The following FOXP1 variants were observed in gnomAD, a reference collection of about 807,000 sequenced individuals.
The protein encoded by FOXP1 is forkhead box protein P1.
FOXP1 carries 15 observed loss-of-function variants against 98.2 expected under a neutral mutation model. That is an observed-to-expected ratio of 0.15 (90% CI 0.10 to 0.24). The LOEUF (loss-of-function observed/expected upper bound fraction) is 0.24. Among genes scored for constraint, FOXP1 ranks in the 10% least tolerant of loss-of-function variants. The probability of loss-of-function intolerance (pLI) is 1.00; values close to 1 mark genes in which losing one functional copy is unlikely to be tolerated. For missense variants in FOXP1, 633 were observed against 848.5 expected, an observed-to-expected ratio of 0.75 and a Z score of 3.15; for synonymous variants, 371 against 314.5, an observed-to-expected ratio of 1.18 and a Z score of -1.90.
At chr3:71,428,161 C>A (rs777059761) in intron 3 of FOXP1, among the ~76,000 whole-genome samples, 1 of 152,176 alleles carries the variant, frequency 6.6e-6, no homozygotes, top group African/African-American at 2.4e-5. Flanking sequence ...ACTGTCCCAT[C>A]TACATTCAAA....
At position 71,278,607 on chromosome 3, in the gene FOXP1, C is replaced by A. The variant is rs143713428; in HGVS notation, c.-12+21213G>T. Among the ~76,000 whole-genome samples the A allele has an allele frequency of 3.8e-3, 569 of 151,604 alleles. 6 individuals are homozygous for A. The highest frequency in any genetic ancestry group is 0.013 in the African/African-American group (544 of 41,326). The stretch of plus-strand genomic sequence containing the variant: ...ACCAGCCTGACAAACATGGTGAAAC[C>A]CCATCTCTACTACAAACACAAACAT... On this transcript the variant is annotated intron_variant, in intron 5 of 20. Coordinates refer to ENST00000649528, the MANE Select transcript of FOXP1 (RefSeq NM_001349338.3).
At chr3:70,966,194 T>C in intron 19 of FOXP1, 138 bp from the exon 20 acceptor site, 1 of 857,034 alleles carries the variant, frequency 1.2e-6, no homozygotes, top group East Asian at 2.7e-5. Context: ...TAAGAGGTGT[T>C]GAAAGATTTT....
chr3:71,539,030 T>C (rs529613796), intron 2 of FOXP1, among the ~76,000 whole-genome samples: 20 of 152,098 alleles, frequency 1.3e-4, no homozygotes, highest in Admixed American at 3.3e-4. Context: ...CATTGATCTG[T>C]ATCTCCATAC....
intron 3 of FOXP1, among the ~76,000 whole-genome samples, chr3:71,487,882 C>T (rs1049287835): frequency 6.6e-6 from 1 of 152,160 alleles, no homozygotes; most frequent in Non-Finnish European, 1.5e-5. Flanking sequence ...CATTCCTAGA[C>T]TAATTTCCTA....
intron 3 of FOXP1, among the ~76,000 whole-genome samples, chr3:71,422,787 C>T (rs1313946090): frequency 6.6e-6 from 1 of 152,156 alleles, no homozygotes; most frequent in African/African-American, 2.4e-5. Flanking sequence ...TGAATGCCCT[C>T]TCTCTTGGCT....
At chr3:71,205,992 A>G (rs1375578625) in intron 5 of FOXP1, among the ~76,000 whole-genome samples, 1 of 152,234 alleles carries the variant, frequency 6.6e-6, no homozygotes, top group Non-Finnish European at 1.5e-5. Flanking sequence ...ATATTTATCA[A>G]TTAAATGGAA....
rs9881720 is a variant in FOXP1, at chr3:71,395,537, C to G, written c.-167-36293G>C. 4.6e-3 allele frequency among the ~76,000 whole-genome samples: 699 copies of G among 151,924 alleles called. 8 individuals carry two copies. Among genetic ancestry groups the G allele is most frequent in the African/African-American group, 0.016 (645 of 41,380 alleles). ...GAGAAGCCTTACCTGGGTACCTCAT[C>G]TAAACTGGCCCAGGGGCACTCCTTA... On this transcript the variant is annotated intron_variant, in intron 3 of 20. Coordinates refer to ENST00000649528, the MANE Select transcript of FOXP1 (RefSeq NM_001349338.3).
At chr3:71,185,483 T>A (rs1015781691) in intron 6 of FOXP1, among the ~76,000 whole-genome samples, 1 of 152,204 alleles carries the variant, frequency 6.6e-6, no homozygotes, top group Non-Finnish European at 1.5e-5. Flanking sequence ...TTAGCTAAAA[T>A]TCAATATAAA....
chr3:71,458,038 C>T (rs976734265), intron 3 of FOXP1, among the ~76,000 whole-genome samples: 1 of 152,156 alleles, frequency 6.6e-6, no homozygotes, highest in Non-Finnish European at 1.5e-5. Context: ...CGTAATCTCA[C>T]AGAGGCACAA....
At chr3:71,310,337 G>A (rs908795999) in intron 4 of FOXP1, among the ~76,000 whole-genome samples, 7 of 152,124 alleles carry the variant, frequency 4.6e-5, no homozygotes, top group Non-Finnish European at 7.4e-5. Context: ...GCTTCCAAAA[G>A]GTGGGAATGA....
At chr3:71,466,088 G>A (rs967227558) in intron 3 of FOXP1, among the ~76,000 whole-genome samples, 2 of 152,142 alleles carry the variant, frequency 1.3e-5, no homozygotes, top group Non-Finnish European at 2.9e-5. Context: ...CAGATAAAAC[G>A]AAACACTTAT....
At chr3:71,169,031 T>C (rs1351673175) in intron 6 of FOXP1, among the ~76,000 whole-genome samples, 1 of 152,236 alleles carries the variant, frequency 6.6e-6, no homozygotes, top group African/African-American at 2.4e-5. Context: ...GAGCTCTTTT[T>C]ACAGCTGAGT....
chr3:71,203,614 T>C (rs980270513), intron 5 of FOXP1, among the ~76,000 whole-genome samples: 9 of 152,220 alleles, frequency 5.9e-5, no homozygotes, highest in African/African-American at 2.2e-4. Context: ...TTAATTAAGG[T>C]TGACCAAGTC....
intron 4 of FOXP1, among the ~76,000 whole-genome samples, chr3:71,317,316 G>A (rs1247218123): frequency 6.6e-6 from 1 of 152,152 alleles, no homozygotes; most frequent in Non-Finnish European, 1.5e-5. Context: ...CTGACATGAC[G>A]CCACGCTGTC....
chr3:71,064,180 G>A (rs1294847820), intron 7 of FOXP1, among the ~76,000 whole-genome samples: 2 of 152,150 alleles, frequency 1.3e-5, no homozygotes, highest in African/African-American at 4.8e-5. Context: ...CCGGTGTGGG[G>A]CTCTGTGCCT....
chr3:71,352,925 T>C (rs571294550), intron 4 of FOXP1, among the ~76,000 whole-genome samples: 33 of 152,324 alleles, frequency 2.2e-4, no homozygotes, highest in Middle Eastern at 3.4e-3. Context: ...CACCAATTAT[T>C]CTAGGAGTAG....
intron 5 of FOXP1, among the ~76,000 whole-genome samples, chr3:71,285,470 G>A (rs910721624): frequency 2.0e-5 from 3 of 152,056 alleles, no homozygotes; most frequent in Admixed American, 6.6e-5. Context: ...GAGGGAACGA[G>A]GAAGAAAAAG....
chr3:71,573,838 C>T (rs2047523255), intron 2 of FOXP1: 1 of 151,992 alleles, frequency 6.6e-6, no homozygotes, highest in Non-Finnish European at 1.5e-5. Context: ...TAGAAAATAT[C>T]TACCATACAT....
chr3:71,329,854 A>T (rs1009910334), intron 4 of FOXP1: 2 of 152,232 alleles, frequency 1.3e-5, no homozygotes, highest in Non-Finnish European at 2.9e-5. Flanking sequence ...ATTTGATATC[A>T]GAATAAGATG....
Sources: gnomAD v4.1 joint callset for allele counts (sites outside exome capture counted in the v4.1 genomes callset) on GRCh38, gnomAD v4.1.1 for gene constraint, MANE v1.5 for transcripts, NCBI Gene and HGNC (gene_info 2026-07-23, HGNC 2026-07-21) for gene names.